The following TSHZ2 variants were observed in gnomAD, a reference collection of about 807,000 sequenced individuals.
TSHZ2 encodes teashirt zinc finger homeobox 2, also known as teashirt homolog 2.
A neutral mutation model predicts 74.4 loss-of-function variants in TSHZ2; 21 were observed. That is an observed-to-expected ratio of 0.28 (90% CI 0.20 to 0.41). TSHZ2 has a LOEUF of 0.41. TSHZ2 is among the 10% of genes least tolerant of loss of function. The pLI is 1.00. For missense variants in TSHZ2, 1,244 were observed against 1,293.5 expected (o/e 0.96, Z 0.59); for synonymous variants, 540 against 515.3 (o/e 1.05, Z -0.65).
rs1252814286 is a variant in TSHZ2 at position 53,490,600 on chromosome 20, A to G, written c.*3465A>G. 6.6e-6 allele frequency: 1 copy of G among 152,272 alleles called. No homozygotes were observed. Among genetic ancestry groups the G allele is most frequent in the Non-Finnish European group, 1.5e-5 (1 of 68,050 alleles). The allele number at this position is 152,272 out of a possible 1,614,324, so 9.4% of individuals were successfully genotyped here. A position where few individuals can be genotyped will look rare whatever the true frequency, so the allele number is the denominator to read the frequency against. The stretch of plus-strand genomic sequence containing the variant: ...ACTGGATAACCCAGACAGTCCCCAC[A>G]GAATTTCTTTCAGGTCACAGATTTC... On this transcript the variant is annotated 3_prime_UTR_variant, in exon 3 of 3. Coordinates refer to ENST00000371497, the MANE Select transcript of TSHZ2 (RefSeq NM_173485.6).
At chr20:53,436,537 TTATTATTATTA>T (rs1442345769) in intron 2 of TSHZ2, among the ~76,000 whole-genome samples, 2 of 81,966 alleles carry the variant, frequency 2.4e-5, no homozygotes, top group African/African-American at 1.1e-4. Flanking sequence ...ATTATTATTA[TTATTATTATTA>T]TTTTTTTTTT....
At chr20:53,039,255 A>G (rs560578234) in intron 1 of TSHZ2, among the ~76,000 whole-genome samples, 6 of 151,914 alleles carry the variant, frequency 3.9e-5, no homozygotes, top group African/African-American at 1.4e-4. Flanking sequence ...ACCTACCCCG[A>G]TCATCTGATT....
intron 2 of TSHZ2, among the ~76,000 whole-genome samples, chr20:53,273,634 G>A (rs1264010723): frequency 6.6e-6 from 1 of 152,176 alleles, no homozygotes; most frequent in African/African-American, 2.4e-5. Context: ...GTGTGGAATG[G>A]ACAAGAGGGT....
intron 1 of TSHZ2, among the ~76,000 whole-genome samples, chr20:52,982,872 G>C (rs1378064284): frequency 6.6e-6 from 1 of 152,158 alleles, no homozygotes; most frequent in Non-Finnish European, 1.5e-5. Context: ...GGGAGAAGCA[G>C]TCCAGGCAGA....
chr20:53,321,806 C>G (rs1397954182), intron 2 of TSHZ2, among the ~76,000 whole-genome samples: 1 of 152,064 alleles, frequency 6.6e-6, no homozygotes, highest in African/African-American at 2.4e-5. Flanking sequence ...TGCTTCTCAC[C>G]TCTGGGGAAT....
At chr20:53,157,829 A>C (rs1192624073) in intron 1 of TSHZ2, among the ~76,000 whole-genome samples, 2 of 152,162 alleles carry the variant, frequency 1.3e-5, no homozygotes, top group Non-Finnish European at 2.9e-5. Context: ...TTAAATACCT[A>C]CTTTATGTTT....
chr20:53,182,399 G>A (rs1410892358), intron 1 of TSHZ2, among the ~76,000 whole-genome samples: 1 of 152,114 alleles, frequency 6.6e-6, no homozygotes, highest in African/African-American at 2.4e-5. Flanking sequence ...ACAAATATGG[G>A]CAAAGTACTC....
chr20:53,210,224 G>T (rs1001419850), intron 1 of TSHZ2, among the ~76,000 whole-genome samples: 1 of 152,164 alleles, frequency 6.6e-6, no homozygotes, highest in Non-Finnish European at 1.5e-5. Flanking sequence ...TGCCATCCAC[G>T]GATGGCTAGA....
At chr20:53,087,399 T>C (rs1348971634) in intron 1 of TSHZ2, among the ~76,000 whole-genome samples, 1 of 152,218 alleles carries the variant, frequency 6.6e-6, no homozygotes, top group Admixed American at 6.5e-5. Flanking sequence ...ATTTATGCAT[T>C]ACACATTTTC....
At chr20:53,191,480 T>C (rs6097291) in intron 1 of TSHZ2, among the ~76,000 whole-genome samples, 12,681 of 152,176 alleles carry the variant, frequency 0.083, 1,002 homozygotes, top group East Asian at 0.34. Context: ...CTGGGCAACA[T>C]GGTGAAACTC....
intron 1 of TSHZ2, among the ~76,000 whole-genome samples, chr20:53,057,726 C>A (rs1984688069): frequency 2.6e-5 from 4 of 152,142 alleles, no homozygotes; most frequent in Non-Finnish European, 1.5e-5. Flanking sequence ...TGGACACTCA[C>A]AGAAACAGTG....
chr20:53,211,523 T>C (rs998710629), intron 1 of TSHZ2, among the ~76,000 whole-genome samples: 2 of 150,366 alleles, frequency 1.3e-5, no homozygotes, highest in Admixed American at 1.3e-4. Flanking sequence ...AAAAAAAAAG[T>C]AAACATTGAT....
intron 1 of TSHZ2, among the ~76,000 whole-genome samples, chr20:53,126,664 AG>A (rs1986955091): frequency 6.6e-6 from 1 of 152,234 alleles, no homozygotes; most frequent in Non-Finnish European, 1.5e-5. Context: ...TGGCAGGGTT[AG>A]TAACAGAGTT....
At chr20:53,417,275 CACA>C (rs1983300606) in intron 2 of TSHZ2, among the ~76,000 whole-genome samples, 1 of 150,686 alleles carries the variant, frequency 6.6e-6, no homozygotes, top group African/African-American at 2.4e-5. Flanking sequence ...CACACACACA[CACA>C]CCATAGTTTT....
chr20:53,399,285 G>A (rs1982566707), intron 2 of TSHZ2: 1 of 152,164 alleles, frequency 6.6e-6, no homozygotes, highest in African/African-American at 2.4e-5. Flanking sequence ...GATTCTGCTT[G>A]ATCTTTGGTG....
intron 2 of TSHZ2, among the ~76,000 whole-genome samples, chr20:53,479,547 C>T (rs6097440): frequency 0.2 from 30,458 of 152,110 alleles, 3,221 homozygotes; most frequent in East Asian, 0.3. Flanking sequence ...CAAATAACTC[C>T]CATTAAATTC....
rs1219612856 is a variant in TSHZ2, at chr20:53,058,853, T to A, written c.40+85520T>A. Among the ~76,000 whole-genome samples the A allele has an allele frequency of 3.9e-5, 6 of 152,254 alleles. No homozygotes were observed. The East Asian group carries it at 1.2e-3, about 29-fold the overall frequency. ...GGGAAACATGACCAGTCTGGCTGCC[T>A]TTTGTCTTGGAGATGACTTGGGTAT... On this transcript the variant is annotated intron_variant, in intron 1 of 2. Coordinates refer to ENST00000371497, the MANE Select transcript of TSHZ2 (RefSeq NM_173485.6).
intron 1 of TSHZ2, among the ~76,000 whole-genome samples, chr20:52,987,677 G>A (rs575129870): frequency 5.6e-4 from 85 of 152,278 alleles, no homozygotes; most frequent in African/African-American, 1.7e-3. Flanking sequence ...GTGTTACAGC[G>A]AGGAAATGCA....
chr20:53,401,383 C>A (rs1413898575), intron 2 of TSHZ2: 1 of 152,130 alleles, frequency 6.6e-6, no homozygotes, highest in African/African-American at 2.4e-5. Flanking sequence ...ATTATACTTT[C>A]TTTTTTATTA....
Sources: allele counts gnomAD v4.1 joint callset (sites outside exome capture counted in the v4.1 genomes callset), GRCh38; gene constraint gnomAD v4.1.1; transcripts MANE v1.5; gene names NCBI Gene and HGNC (gene_info 2026-07-23, HGNC 2026-07-21).